The following KCNJ6 variants were observed in gnomAD, a reference collection of about 807,000 sequenced individuals.
The protein encoded by KCNJ6 is potassium inwardly rectifying channel subfamily J member 6, also known as G protein-activated inward rectifier potassium channel 2.
In KCNJ6, 9 loss-of-function variants were observed where a neutral mutation model predicts 34.2. The ratio of observed to expected loss-of-function variants is 0.26; its 90% CI spans 0.16 to 0.46. The LOEUF is 0.46. Among genes scored for constraint, KCNJ6 ranks in the 20% least tolerant of loss-of-function variants. KCNJ6 has a pLI of 1.00. For synonymous variants in KCNJ6, 196 were observed against 207.1 expected (o/e 0.95, Z 0.46); for missense variants, 236 against 531.3 (o/e 0.44, Z 5.46).
At chr21:37,794,913 G>GAA (rs150657805) in intron 2 of KCNJ6, among the ~76,000 whole-genome samples, 1 of 149,412 alleles carries the variant, frequency 6.7e-6, no homozygotes, top group African/African-American at 2.5e-5. Flanking sequence ...AATAGAAAAA[G>GAA]AAAAAAAAAA....
chr21:37,740,245 G>A (rs73904427), intron 2 of KCNJ6, among the ~76,000 whole-genome samples: 10,659 of 152,230 alleles, frequency 0.07, 769 homozygotes, highest in African/African-American at 0.18. Flanking sequence ...ATTATGGTAA[G>A]TGGGGATTGG....
chr21:37,759,277 G>A (rs2055048055), intron 2 of KCNJ6, among the ~76,000 whole-genome samples: 1 of 152,174 alleles, frequency 6.6e-6, no homozygotes, highest in Non-Finnish European at 1.5e-5. Context: ...GTTTCTCTGG[G>A]TGCCTCACCC....
intron 3 of KCNJ6, among the ~76,000 whole-genome samples, chr21:37,652,845 T>A (rs571447747): frequency 1.5e-4 from 23 of 152,190 alleles, no homozygotes; most frequent in Non-Finnish European, 2.9e-4. Context: ...TGGAAAACAC[T>A]GCAGGCTTAC....
intron 2 of KCNJ6, 68 bp from the exon 3 acceptor site, chr21:37,715,199 C>T (rs1245168859): frequency 2.2e-6 from 3 of 1,362,470 alleles, no homozygotes; most frequent in Non-Finnish European, 2.0e-6. Flanking sequence ...AATGGAACGG[C>T]ACACTTTGTA....
intron 3 of KCNJ6, among the ~76,000 whole-genome samples, chr21:37,663,052 CA>C (rs149327206): frequency 6.6e-6 from 1 of 150,898 alleles, no homozygotes; most frequent in Non-Finnish European, 1.5e-5. Flanking sequence ...TACTTGGAAG[CA>C]AAAAAAATTT....
chr21:37,754,833 C>T (rs549150487), intron 2 of KCNJ6, among the ~76,000 whole-genome samples: 1 of 152,278 alleles, frequency 6.6e-6, no homozygotes, highest in East Asian at 1.9e-4. Context: ...TTAGGAGTGG[C>T]TAGTTTCCCT....
At chr21:37,879,381 G>A (rs537813224) in intron 1 of KCNJ6, among the ~76,000 whole-genome samples, 3 of 152,290 alleles carry the variant, frequency 2.0e-5, no homozygotes, top group African/African-American at 7.2e-5. Context: ...GATTCCTAGT[G>A]ATGCTCCAGC....
intron 3 of KCNJ6, among the ~76,000 whole-genome samples, chr21:37,685,664 G>A (rs2054611230): frequency 1.1e-5 from 1 of 89,672 alleles, no homozygotes; most frequent in Non-Finnish European, 2.1e-5. Context: ...CTGGGCGACA[G>A]AGTGAGACTC....
At chr21:37,740,960 C>T (rs1035052470) in intron 2 of KCNJ6, among the ~76,000 whole-genome samples, 1 of 152,178 alleles carries the variant, frequency 6.6e-6, no homozygotes, top group Non-Finnish European at 1.5e-5. Flanking sequence ...TCTGTCTGTC[C>T]CCTTGAATGT....
chr21:37,914,544 C>A (rs2055883957), intron 1 of KCNJ6, among the ~76,000 whole-genome samples: 1 of 152,248 alleles, frequency 6.6e-6, no homozygotes, highest in Non-Finnish European at 1.5e-5. Context: ...CTGGCGTATT[C>A]CTTTGCCTGG....
intron 3 of KCNJ6, among the ~76,000 whole-genome samples, chr21:37,656,997 AG>A: frequency 6.6e-6 from 1 of 152,008 alleles, no homozygotes; most frequent in East Asian, 1.9e-4. Flanking sequence ...CTGCCATTGG[AG>A]GTCCTAGAAG....
intron 1 of KCNJ6, among the ~76,000 whole-genome samples, chr21:37,904,529 A>G (rs901004556): frequency 6.6e-6 from 1 of 152,162 alleles, no homozygotes; most frequent in Non-Finnish European, 1.5e-5. Context: ...ACTGACCCAC[A>G]CTTATCACTA....
At chr21:37,793,295 T>C (rs1229065867) in intron 2 of KCNJ6, among the ~76,000 whole-genome samples, 1 of 152,130 alleles carries the variant, frequency 6.6e-6, no homozygotes, top group Non-Finnish European at 1.5e-5. Flanking sequence ...TGGGTGTTAA[T>C]ACAACCAGAG....
intron 2 of KCNJ6, among the ~76,000 whole-genome samples, chr21:37,745,872 G>A (rs746128267): frequency 1.7e-4 from 26 of 152,204 alleles, no homozygotes; most frequent in Admixed American, 5.9e-4. Context: ...ATCACGGTGT[G>A]TTCGCTGGGG....
intron 2 of KCNJ6, among the ~76,000 whole-genome samples, chr21:37,804,628 A>G (rs2055284841): frequency 6.6e-6 from 1 of 152,016 alleles, no homozygotes. Context: ...CTGTGTGTCC[A>G]TGTATTATCA....
intron 3 of KCNJ6, among the ~76,000 whole-genome samples, chr21:37,691,996 T>G (rs1453602695): frequency 6.6e-6 from 1 of 152,322 alleles, no homozygotes; most frequent in East Asian, 1.9e-4. Flanking sequence ...GTTTGGGATG[T>G]CGTGGCATTC....
chr21:37,775,305 A>G (rs575919513), intron 2 of KCNJ6, among the ~76,000 whole-genome samples: 27 of 152,106 alleles, frequency 1.8e-4, no homozygotes, highest in African/African-American at 6.0e-4. Context: ...TAGGTTGCCT[A>G]TTCACTCTGA....
chr21:37,786,836 T>C (rs1288034214), intron 2 of KCNJ6, among the ~76,000 whole-genome samples: 2 of 152,230 alleles, frequency 1.3e-5, no homozygotes, highest in African/African-American at 2.4e-5. Context: ...ATAAAGTTCC[T>C]AACACAGATC....
chr21:37,745,532 A>G (rs541622066), intron 2 of KCNJ6, among the ~76,000 whole-genome samples: 326 of 152,290 alleles, frequency 2.1e-3, no homozygotes, highest in Non-Finnish European at 4.0e-3. Flanking sequence ...GCTTCCAGAA[A>G]GGAACACAGC....
Sources: gnomAD v4.1 joint callset for allele counts (sites outside exome capture counted in the v4.1 genomes callset) on GRCh38, gnomAD v4.1.1 for gene constraint, MANE v1.5 for transcripts, NCBI Gene and HGNC (gene_info 2026-07-23, HGNC 2026-07-21) for gene names.